ABHD12: variants seen among roughly 807,000 people sequenced by gnomAD.
ABHD12 encodes lysophosphatidylserine lipase ABHD12.
ABHD12 carries 43 observed loss-of-function variants against 58.3 expected under a neutral mutation model. The ratio of observed to expected loss-of-function variants is 0.74; its 90% CI spans 0.58 to 0.95. The LOEUF (loss-of-function observed/expected upper bound fraction) is 0.95. ABHD12 is among the 40% of genes least tolerant of loss of function. The pLI, the probability that ABHD12 is intolerant of heterozygous loss-of-function variation, is 0.00. For missense variants in ABHD12, 539 were observed against 537.2 expected, an observed-to-expected ratio of 1.00 and a Z score of -0.03; for synonymous variants, 219 against 211.2, an observed-to-expected ratio of 1.04 and a Z score of -0.32.
intron 1 of ABHD12, among the ~76,000 whole-genome samples, chr20:25,351,230 T>C (rs1355215324): frequency 2.6e-5 from 4 of 152,220 alleles, no homozygotes; most frequent in Admixed American, 2.6e-4. Context: ...TCCAATATGA[T>C]GGATTCCTGC....
intron 2 of ABHD12, among the ~76,000 whole-genome samples, chr20:25,323,678 T>C (rs1181728961): frequency 5.9e-5 from 9 of 152,118 alleles, no homozygotes; most frequent in Admixed American, 4.6e-4. Flanking sequence ...CCAGCCAGCA[T>C]GGGCAGGGAC....
Position 25,339,071 on chromosome 20 carries a change from G to T in ABHD12, c.316+156C>A, listed in dbSNP as rs1345488889. The T allele has an allele frequency of 7.1e-6, 10 of 1,404,646 alleles. 1 individual carries two copies. In the South Asian group the frequency reaches 1.3e-4, roughly 18 times the overall value. The allele number at this position is 1,404,646 out of a possible 1,614,324, so 87.0% of individuals were successfully genotyped here. On this transcript the variant is annotated intron_variant, in intron 2 of 12. Transcript: ENST00000339157. ...GTAGCTCTACCTATCTATCTCTAAAGATATAGGTATATAAACTGTACACTT... is the reference window on the plus strand; with the variant it reads ...GTAGCTCTACCTATCTATCTCTAAATATATAGGTATATAAACTGTACACTT...
At chr20:25,307,310 G>T (rs2088762783) in intron 9 of ABHD12, among the ~76,000 whole-genome samples, 1 of 152,238 alleles carries the variant, frequency 6.6e-6, no homozygotes, top group South Asian at 2.1e-4. Flanking sequence ...AAGAAAAGCA[G>T]CACCAAAAAG....
chr20:25,300,817 TCTTCATGCTTC>T lies in ABHD12; in HGVS notation c.*17_*27del. 6.2e-7 allele frequency: 1 copy of T among 1,613,712 alleles called. No homozygotes were observed. Among genetic ancestry groups the T allele is most frequent in the Non-Finnish European group, 8.5e-7 (1 of 1,179,900 alleles). ...GAGGAAAACGGGAGGAGGGCAGAGG[TCTTCATGCTTC>T]CTTCCCACGGCCAGGCTCAGTGCTG... On this transcript the variant is annotated 3_prime_UTR_variant, in exon 13 of 13. Coordinates refer to ENST00000339157, the MANE Select transcript of ABHD12 (RefSeq NM_001042472.3).
At chr20:25,304,806 A>T (rs1428684319) in intron 10 of ABHD12, among the ~76,000 whole-genome samples, 4 of 152,000 alleles carry the variant, frequency 2.6e-5, no homozygotes, top group Non-Finnish European at 5.9e-5. Context: ...TGACCTCGTG[A>T]TCTGCCTGCC....
intron 1 of ABHD12, among the ~76,000 whole-genome samples, chr20:25,387,814 G>A (rs1477892827): frequency 6.6e-6 from 1 of 151,656 alleles, no homozygotes; most frequent in Non-Finnish European, 1.5e-5. Context: ...AGGCCGAGGT[G>A]GGTGGATCAC....
At position 25,390,762 on chromosome 20, in the gene ABHD12, C is replaced by T. The variant is rs1311427997; in HGVS notation, c.-59G>A. The T allele has an allele frequency of 1.8e-5, 21 of 1,149,620 alleles. No individual in the cohort carries two copies. Among genetic ancestry groups the T allele is most frequent in the African/African-American group, 4.9e-5 (3 of 60,904 alleles). 71.2% of individuals were successfully genotyped at this position (1,149,620 alleles called of 1,614,324 possible). A position where few individuals can be genotyped will look rare whatever the true frequency, so the allele number is the denominator to read the frequency against. ...CCGCTGGCCTGCGCCGCAGTGCCGC[C>T]GCTCACAGCCGCCGCCACCCAGAGC... On this transcript the variant is annotated 5_prime_UTR_variant, in exon 1 of 13. Coordinates refer to ENST00000339157, the MANE Select transcript of ABHD12 (RefSeq NM_001042472.3).
chr20:25,295,127 A>C, intron 12 of ABHD12: 1 of 1,307,902 alleles, frequency 7.6e-7, no homozygotes, highest in South Asian at 1.2e-5. Flanking sequence ...GTAGATTCAT[A>C]AATCTGGCAT....
chr20:25,390,771 C>A lies in ABHD12; in HGVS notation c.-68G>T. On this transcript the variant is annotated 5_prime_UTR_variant, in exon 1 of 13. Coordinates refer to ENST00000339157, the MANE Select transcript of ABHD12 (RefSeq NM_001042472.3). ...TGCGCCGCAGTGCCGCCGCTCACAGCCGCCGCCACCCAGAGCCCGGAGCCC... is the reference window on the plus strand; with the variant it reads ...TGCGCCGCAGTGCCGCCGCTCACAGACGCCGCCACCCAGAGCCCGGAGCCC... The A allele has an allele frequency of 1.9e-6, 2 of 1,064,570 alleles. No homozygotes were observed. The highest frequency in any genetic ancestry group is 2.4e-6 in the Non-Finnish European group (2 of 844,802). The allele number at this position is 1,064,570 out of a possible 1,614,324, so 65.9% of individuals were successfully genotyped here. A position where few individuals can be genotyped will look rare whatever the true frequency, so the allele number is the denominator to read the frequency against.
intron 1 of ABHD12, among the ~76,000 whole-genome samples, chr20:25,367,052 G>A (rs113902037): frequency 2.6e-5 from 4 of 152,178 alleles, no homozygotes; most frequent in African/African-American, 9.6e-5. Context: ...AGAGAGAAAC[G>A]GATGGGCATT....
intron 1 of ABHD12, among the ~76,000 whole-genome samples, chr20:25,350,320 T>C (rs1244323938): frequency 3.3e-5 from 5 of 152,196 alleles, no homozygotes; most frequent in Admixed American, 6.5e-5. Flanking sequence ...CGTGTTATGA[T>C]TTGGCTGTGT....
intron 1 of ABHD12, chr20:25,339,615 C>G: frequency 6.9e-7 from 1 of 1,446,164 alleles, no homozygotes; most frequent in Non-Finnish European, 9.3e-7. Context: ...TGATTTCTTA[C>G]ACTCACCCTT....
intron 1 of ABHD12, among the ~76,000 whole-genome samples, chr20:25,362,185 C>T (rs1276800333): frequency 1.3e-5 from 2 of 151,870 alleles, no homozygotes; most frequent in Non-Finnish European, 2.9e-5. Context: ...GAGGCTAAGG[C>T]AGGAGAAGCA....
intron 3 of ABHD12, among the ~76,000 whole-genome samples, chr20:25,322,381 A>ATT (rs199757666): frequency 8.4e-5 from 5 of 59,270 alleles, no homozygotes; most frequent in African/African-American, 2.5e-4. Flanking sequence ...ATATATATAT[A>ATT]TTTTTTTTTT....
intron 5 of ABHD12, among the ~76,000 whole-genome samples, chr20:25,315,230 C>A (rs775085458): frequency 1.3e-5 from 2 of 152,058 alleles, no homozygotes; most frequent in Non-Finnish European, 2.9e-5. Flanking sequence ...CGCTAGGGGG[C>A]CAGGAGCAGT....
At chr20:25,377,240 A>G (rs970353964) in intron 1 of ABHD12, among the ~76,000 whole-genome samples, 4 of 152,186 alleles carry the variant, frequency 2.6e-5, no homozygotes, top group African/African-American at 9.7e-5. Flanking sequence ...TGCCTTGTCA[A>G]GGTGTCCTGT....
At chr20:25,330,033 G>T (rs1437329842) in intron 2 of ABHD12, among the ~76,000 whole-genome samples, 1 of 152,244 alleles carries the variant, frequency 6.6e-6, no homozygotes, top group African/African-American at 2.4e-5. Flanking sequence ...GGTGATTTCT[G>T]CATTTCCATC....
intron 1 of ABHD12, 38 bp from the exon 2 acceptor site, chr20:25,339,389 AG>A: frequency 1.2e-6 from 2 of 1,613,862 alleles, no homozygotes; most frequent in Non-Finnish European, 1.7e-6. Flanking sequence ...AGAAGGCAGT[AG>A]GTGCCATTTT....
chr20:25,365,214 TCTCA>T (rs1172932532), intron 1 of ABHD12, among the ~76,000 whole-genome samples: 1 of 152,232 alleles, frequency 6.6e-6, no homozygotes, highest in Non-Finnish European at 1.5e-5. Flanking sequence ...TAAAACAAAG[TCTCA>T]CTGCCAACTT....
Sources: allele counts gnomAD v4.1 joint callset (sites outside exome capture counted in the v4.1 genomes callset), GRCh38; gene constraint gnomAD v4.1.1; transcripts MANE v1.5; gene names NCBI Gene and HGNC (gene_info 2026-07-23, HGNC 2026-07-21).